Variants in FAR2 observed in about 807,000 individuals in gnomAD.
FAR2 encodes fatty acyl-CoA reductase 2, also known as epididymis secretory protein Li 81.
In FAR2, 19 loss-of-function variants were observed where a neutral mutation model predicts 56.0. The ratio of observed to expected loss-of-function variants is 0.34; its 90% CI spans 0.24 to 0.50. The LOEUF is 0.50. FAR2 is among the 20% of genes least tolerant of loss of function. The pLI, the probability that FAR2 is intolerant of heterozygous loss-of-function variation, is 0.98. For synonymous variants in FAR2, 219 were observed against 218.8 expected, an observed-to-expected ratio of 1.00 and a Z score of -0.01; for missense variants, 508 against 642.2, an observed-to-expected ratio of 0.79 and a Z score of 2.26.
intron 2 of FAR2, among the ~76,000 whole-genome samples, chr12:29,273,200 T>A (rs1948648729): frequency 6.6e-6 from 1 of 152,166 alleles, no homozygotes; most frequent in South Asian, 2.1e-4. Context: ...GGAAACCCAC[T>A]TGTCTGGGTT....
At chr12:29,267,967 T>C (rs1217802722) in intron 1 of FAR2, among the ~76,000 whole-genome samples, 2 of 152,244 alleles carry the variant, frequency 1.3e-5, no homozygotes, top group Non-Finnish European at 1.5e-5. Context: ...GCTTTGTTCA[T>C]CTGCGTGTCT....
intron 1 of FAR2, among the ~76,000 whole-genome samples, chr12:29,229,037 T>C (rs936653801): frequency 2.0e-5 from 3 of 152,204 alleles, no homozygotes; most frequent in Admixed American, 1.3e-4. Flanking sequence ...AGGTCAACAA[T>C]GCTTGTTTTT....
At chr12:29,163,776 T>G (rs970488423) in intron 1 of FAR2, among the ~76,000 whole-genome samples, 2 of 152,206 alleles carry the variant, frequency 1.3e-5, no homozygotes, top group African/African-American at 4.8e-5. Flanking sequence ...AATTTTTAGG[T>G]TGGAAGAAAC....
chr12:29,229,845 T>G (rs1947828087), intron 1 of FAR2, among the ~76,000 whole-genome samples: 1 of 152,100 alleles, frequency 6.6e-6, no homozygotes, highest in Admixed American at 6.6e-5. Flanking sequence ...AGGGAAAGCT[T>G]CTCTGTGGAA....
intron 4 of FAR2, among the ~76,000 whole-genome samples, chr12:29,306,324 A>T (rs2136779380): frequency 6.6e-6 from 1 of 152,360 alleles, no homozygotes; most frequent in East Asian, 1.9e-4. Context: ...GCACTAATAG[A>T]AGCAAAGCAA....
At chr12:29,191,242 C>G (rs1275059376) in intron 1 of FAR2, among the ~76,000 whole-genome samples, 1 of 152,238 alleles carries the variant, frequency 6.6e-6, no homozygotes, top group African/African-American at 2.4e-5. Flanking sequence ...CCAAGTCTTG[C>G]GCATTTCTCC....
In FAR2 at chr12:29,297,680, GAA is replaced by G. The variant is rs926723916; in HGVS notation, c.545+485_545+486del. Among the ~76,000 whole-genome samples, 7 of 152,116 alleles carry G rather than the reference GAA, an allele frequency of 4.6e-5. No homozygotes were observed. In the East Asian group the frequency reaches 1.2e-3, roughly 25 times the overall value. On this transcript the variant is annotated intron_variant, in intron 4 of 11. Coordinates refer to ENST00000536681, the MANE Select transcript of FAR2 (RefSeq NM_001271783.2). Reference sequence around the variant, plus strand: ...GGGCCCATTTTATAGTTGTGAGGTTGAAAAAAGTTATATAAAACACTTATTGC... The same window carrying G: ...GGGCCCATTTTATAGTTGTGAGGTTGAAAAGTTATATAAAACACTTATTGC...
At chr12:29,293,649 C>T (rs907515941) in intron 3 of FAR2, 174 bp downstream of exon 3, 6 of 474,892 alleles carry the variant, frequency 1.3e-5, no homozygotes, top group African/African-American at 8.0e-5. Context: ...GGAGAATATT[C>T]ACTCCAATTT....
intron 1 of FAR2, among the ~76,000 whole-genome samples, chr12:29,182,418 T>A (rs1591835920): frequency 6.6e-6 from 1 of 152,188 alleles, no homozygotes; most frequent in East Asian, 1.9e-4. Context: ...TGGAGCATTT[T>A]TACACAGTGC....
intron 1 of FAR2, among the ~76,000 whole-genome samples, chr12:29,167,455 A>C (rs755247281): frequency 3.3e-5 from 5 of 152,034 alleles, no homozygotes; most frequent in Non-Finnish European, 5.9e-5. Context: ...TTCCCTCTGA[A>C]CTTCTCCAGA....
chr12:29,175,209 G>C (rs1949925638), intron 1 of FAR2, among the ~76,000 whole-genome samples: 1 of 152,178 alleles, frequency 6.6e-6, no homozygotes, highest in African/African-American at 2.4e-5. Flanking sequence ...GCCCCATCTG[G>C]GTCACCAAAG....
At chr12:29,297,564 C>T (rs142161215) in intron 4 of FAR2, among the ~76,000 whole-genome samples, 13 of 152,246 alleles carry the variant, frequency 8.5e-5, no homozygotes, top group Non-Finnish European at 1.9e-4. Flanking sequence ...TTCAGACTGA[C>T]GTGAGTTTGG....
At chr12:29,327,331 A>C (rs1949665564) in intron 10 of FAR2, among the ~76,000 whole-genome samples, 1 of 152,206 alleles carries the variant, frequency 6.6e-6, no homozygotes, top group African/African-American at 2.4e-5. Flanking sequence ...ATACTGCCCA[A>C]GGTAATTTAT....
chr12:29,153,801 G>A (rs952628758), intron 1 of FAR2, among the ~76,000 whole-genome samples: 2 of 152,158 alleles, frequency 1.3e-5, no homozygotes, highest in African/African-American at 4.8e-5. Flanking sequence ...ATTGGATATG[G>A]GAGGTGGGAG....
intron 1 of FAR2, among the ~76,000 whole-genome samples, chr12:29,244,817 A>T (rs563658826): frequency 1.3e-5 from 2 of 152,324 alleles, no homozygotes; most frequent in African/African-American, 4.8e-5. Flanking sequence ...TAAAGTCTCT[A>T]CCCTTAAAGA....
intron 1 of FAR2, among the ~76,000 whole-genome samples, chr12:29,212,003 G>A (rs1042902974): frequency 6.6e-6 from 1 of 150,764 alleles, no homozygotes; most frequent in Non-Finnish European, 1.5e-5. Flanking sequence ...GGAGAGAGAG[G>A]CCTGGAACAG....
intron 1 of FAR2, among the ~76,000 whole-genome samples, chr12:29,173,026 C>G (rs1235476589): frequency 1.3e-5 from 2 of 152,198 alleles, no homozygotes; most frequent in Non-Finnish European, 2.9e-5. Context: ...CAGGCTGCAG[C>G]TAAAGCTGCA....
intron 4 of FAR2, among the ~76,000 whole-genome samples, chr12:29,302,236 GAAAAAAAAAA>G (rs57752714): frequency 1.1e-5 from 1 of 93,096 alleles, no homozygotes; most frequent in Non-Finnish European, 2.1e-5. Context: ...CATCTCAAAG[GAAAAAAAAAA>G]AAAAAAAAAA....
At chr12:29,314,033 G>A (rs1319980390) in intron 8 of FAR2, among the ~76,000 whole-genome samples, 1 of 152,000 alleles carries the variant, frequency 6.6e-6, no homozygotes, top group Non-Finnish European at 1.5e-5. Flanking sequence ...CACACATTTA[G>A]TTGTATGATG....
Sources: gnomAD v4.1 joint callset for allele counts (sites outside exome capture counted in the v4.1 genomes callset) on GRCh38, gnomAD v4.1.1 for gene constraint, MANE v1.5 for transcripts, NCBI Gene and HGNC (gene_info 2026-07-23, HGNC 2026-07-21) for gene names.